The following GRIA4 variants were observed in gnomAD, a reference collection of about 807,000 sequenced individuals.
GRIA4 encodes the protein glutamate ionotropic receptor AMPA type subunit 4, also known as glutamate receptor 4.
A neutral mutation model predicts 104.0 loss-of-function variants in GRIA4; 34 were observed. That is an observed-to-expected ratio of 0.33 (90% CI 0.25 to 0.44). The LOEUF (loss-of-function observed/expected upper bound fraction) is 0.44. GRIA4 is among the 20% of genes least tolerant of loss of function. The pLI, the probability that GRIA4 is intolerant of heterozygous loss-of-function variation, is 1.00. For missense variants in GRIA4, 750 were observed against 1,096.5 expected (o/e 0.68, Z 4.46); for synonymous variants, 386 against 381.9 (o/e 1.01, Z -0.13).
intron 3 of GRIA4, among the ~76,000 whole-genome samples, chr11:105,634,313 T>C (rs1951120150): frequency 6.9e-6 from 1 of 145,904 alleles, no homozygotes; most frequent in Non-Finnish European, 1.5e-5. Flanking sequence ...TGCTATTGCC[T>C]TTGCACTCCA....
intron 7 of GRIA4, among the ~76,000 whole-genome samples, chr11:105,899,531 A>G (rs1316190358): frequency 6.6e-6 from 1 of 152,162 alleles, no homozygotes; most frequent in Non-Finnish European, 1.5e-5. Context: ...TAATCCTCTC[A>G]TCCTTCACAA....
chr11:105,912,601 C>A, intron 10 of GRIA4: 1 of 436,324 alleles, frequency 2.3e-6, no homozygotes, highest in Non-Finnish European at 3.0e-6. Flanking sequence ...GACAGTAAAG[C>A]CATCAATATT....
At chr11:105,858,342 A>G (rs11827884) in intron 4 of GRIA4, among the ~76,000 whole-genome samples, 30,019 of 151,974 alleles carry the variant, frequency 0.2, 3,078 homozygotes, top group South Asian at 0.26. Flanking sequence ...TCACCTTTGT[A>G]TTTCACATTA....
intron 14 of GRIA4, among the ~76,000 whole-genome samples, chr11:105,934,339 T>C (rs948109781): frequency 1.3e-5 from 2 of 152,158 alleles, no homozygotes; most frequent in African/African-American, 2.4e-5. Context: ...TTTTTTTAAT[T>C]ATGCCTGGCC....
chr11:105,737,326 A>T (rs964409971), intron 3 of GRIA4, among the ~76,000 whole-genome samples: 14 of 152,254 alleles, frequency 9.2e-5, no homozygotes, highest in African/African-American at 3.1e-4. Flanking sequence ...CTAACATTTG[A>T]CTAGTTCAAT....
At chr11:105,745,362 C>T (rs1272656035) in intron 3 of GRIA4, among the ~76,000 whole-genome samples, 1 of 152,174 alleles carries the variant, frequency 6.6e-6, no homozygotes, top group Non-Finnish European at 1.5e-5. Context: ...AGGCAGCAGA[C>T]TTTCACAAAG....
At position 105,980,597 on chromosome 11, in the gene GRIA4, G is replaced by A. The variant is rs1193864021; in HGVS notation, c.*858G>A. 2.0e-5 allele frequency: 3 copies of A among 150,390 alleles called. No individual in the cohort carries two copies. The highest frequency in any genetic ancestry group is 2.0e-4 in the East Asian group (1 of 5,058). The allele number at this position is 150,390 out of a possible 1,614,324, so 9.3% of individuals were successfully genotyped here. On this transcript the variant is annotated 3_prime_UTR_variant, in exon 17 of 17. Coordinates refer to ENST00000282499, the MANE Select transcript of GRIA4 (RefSeq NM_000829.4). Reference sequence around the variant, plus strand: ...AATCATCAGTCTGCGGTGTAGACTCGAAAGAGATGACAGGTCACTCATGTT... The same window carrying A: ...AATCATCAGTCTGCGGTGTAGACTCAAAAGAGATGACAGGTCACTCATGTT...
intron 6 of GRIA4, among the ~76,000 whole-genome samples, chr11:105,891,200 T>C (rs1470438097): frequency 1.3e-5 from 2 of 152,326 alleles, no homozygotes; most frequent in South Asian, 2.1e-4. Context: ...AAATCTTTGA[T>C]TGGCCCCAGG....
chr11:105,943,318 C>A (rs1948227058), intron 14 of GRIA4, among the ~76,000 whole-genome samples: 2 of 151,998 alleles, frequency 1.3e-5, no homozygotes, highest in Admixed American at 6.6e-5. Context: ...ATGCTGACAT[C>A]AAATGTTTGG....
chr11:105,643,495 C>T (rs1414555062), intron 3 of GRIA4, among the ~76,000 whole-genome samples: 2 of 152,092 alleles, frequency 1.3e-5, no homozygotes, highest in Non-Finnish European at 2.9e-5. Flanking sequence ...ATGATTTACT[C>T]AGGGATTTTA....
intron 14 of GRIA4, among the ~76,000 whole-genome samples, chr11:105,953,021 T>C (rs991150904): frequency 6.6e-6 from 1 of 152,154 alleles, no homozygotes; most frequent in Non-Finnish European, 1.5e-5. Context: ...ACAAATCCAA[T>C]GAAGCAAAAA....
At chr11:105,783,215 A>C (rs1248912196) in intron 4 of GRIA4, among the ~76,000 whole-genome samples, 2 of 152,212 alleles carry the variant, frequency 1.3e-5, no homozygotes, top group Non-Finnish European at 2.9e-5. Flanking sequence ...ACTGTCAAGG[A>C]GGAAAAGAAA....
chr11:105,686,158 T>C (rs1952875786), intron 3 of GRIA4, among the ~76,000 whole-genome samples: 1 of 152,192 alleles, frequency 6.6e-6, no homozygotes, highest in African/African-American at 2.4e-5. Context: ...AGGGTATGAA[T>C]AAGCATGTTG....
intron 4 of GRIA4, among the ~76,000 whole-genome samples, chr11:105,828,116 A>C (rs778990868): frequency 6.6e-6 from 1 of 152,012 alleles, no homozygotes; most frequent in African/African-American, 2.4e-5. Context: ...TTGACATCAC[A>C]ATGTGAATTA....
chr11:105,618,685 A>G (rs1230623768), intron 3 of GRIA4, among the ~76,000 whole-genome samples: 3 of 151,956 alleles, frequency 2.0e-5, no homozygotes, highest in Non-Finnish European at 4.4e-5. Flanking sequence ...AGAGATTTGG[A>G]CATGTGTGTC....
At chr11:105,978,807 C>A (rs1003703696) in intron 16 of GRIA4, among the ~76,000 whole-genome samples, 5 of 152,104 alleles carry the variant, frequency 3.3e-5, no homozygotes, top group African/African-American at 1.2e-4. Flanking sequence ...AATAACAGTG[C>A]CTGTTTCTCC....
intron 4 of GRIA4, among the ~76,000 whole-genome samples, chr11:105,861,640 A>C (rs1483288736): frequency 6.6e-6 from 1 of 152,210 alleles, no homozygotes; most frequent in Non-Finnish European, 1.5e-5. Flanking sequence ...AAAGTCAAAC[A>C]GTTGTTCAAA....
intron 4 of GRIA4, among the ~76,000 whole-genome samples, chr11:105,827,909 C>A (rs1033729062): frequency 1.2e-4 from 18 of 152,034 alleles, no homozygotes; most frequent in Non-Finnish European, 2.4e-4. Flanking sequence ...TTCTGCCAAA[C>A]ACTTGACATG....
intron 9 of GRIA4, among the ~76,000 whole-genome samples, chr11:105,906,977 C>T (rs1053090728): frequency 1.3e-5 from 2 of 152,310 alleles, no homozygotes. Context: ...ACACACCAGA[C>T]CTTGCAAAAT....
Sources: allele counts gnomAD v4.1 joint callset (sites outside exome capture counted in the v4.1 genomes callset), GRCh38; gene constraint gnomAD v4.1.1; transcripts MANE v1.5; gene names NCBI Gene and HGNC (gene_info 2026-07-23, HGNC 2026-07-21).